PRUNE2: variants seen among roughly 807,000 people sequenced by gnomAD.
PRUNE2 encodes the protein protein prune homolog 2.
A neutral mutation model predicts 252.0 loss-of-function variants in PRUNE2; 164 were observed. The ratio of observed to expected loss-of-function variants is 0.65; its 90% CI spans 0.57 to 0.74. The LOEUF (loss-of-function observed/expected upper bound fraction) is 0.74. Ranked by LOEUF, PRUNE2 falls within the 30% of genes least tolerant of loss-of-function variation. PRUNE2 has a pLI of 0.00. For missense variants in PRUNE2, 3,495 were observed against 3,711.0 expected, an observed-to-expected ratio of 0.94 and a Z score of 1.51; for synonymous variants, 1,292 against 1,350.2, an observed-to-expected ratio of 0.96 and a Z score of 0.94.
At position 76,709,977 on chromosome 9, in the gene PRUNE2, G is replaced by T. The variant is rs1034086704; in HGVS notation, c.2297C>A (p.Ala766Asp). 36 of 1,613,576 alleles carry T rather than the reference G, an allele frequency of 2.2e-5. No individual in the cohort carries two copies. Among genetic ancestry groups the T allele is most frequent in the Non-Finnish European group, 2.9e-5 (34 of 1,179,780 alleles). Residue 766 changes from alanine to aspartate, a missense_variant, in exon 8 of 19, where the codon GCT becomes GAT. Coordinates refer to ENST00000376718, the MANE Select transcript of PRUNE2 (RefSeq NM_015225.3). ...AGAGCGACCAGAATGCCACAAAGAAGCAAAGTCTTCTATCAGGTGGTTTGT... is the reference window on the plus strand; with the variant it reads ...AGAGCGACCAGAATGCCACAAAGAATCAAAGTCTTCTATCAGGTGGTTTGT... The part of the protein sequence containing the change: ...QGTNHLIEDF[A>D]SLWHSGRSPT...
chr9:76,709,787 C>T lies in PRUNE2; in HGVS notation c.2487G>A (p.Arg829=). 1 of 1,613,950 alleles carries T rather than the reference C, an allele frequency of 6.2e-7. No homozygotes were observed. The highest frequency in any genetic ancestry group is 8.5e-7 in the Non-Finnish European group (1 of 1,179,882). ...TTGCCATGGCCCACTCATTCGGGTC[C>T]CTAACAGAAGGTGTCTTGCTGCTTG... The part of the protein sequence containing the change: ...HPTSSKTPSV[R]DPNEWAMAKS... Residue 829 remains arginine, a synonymous_variant, in exon 8 of 19, where the codon AGG becomes AGA. Transcript: ENST00000376718.
chr9:76,648,809 T>C (rs1846004099), intron 11 of PRUNE2, among the ~76,000 whole-genome samples: 1 of 152,264 alleles, frequency 6.6e-6, no homozygotes, highest in Admixed American at 6.5e-5. Flanking sequence ...CCAAGACTCC[T>C]ACTCTAAGAC....
intron 6 of PRUNE2, among the ~76,000 whole-genome samples, chr9:76,768,042 GT>G (rs1295326404): frequency 6.6e-6 from 1 of 152,164 alleles, no homozygotes; most frequent in African/African-American, 2.4e-5. Flanking sequence ...ACAGCGGCAG[GT>G]CAGAGGGAGT....
intron 14 of PRUNE2, among the ~76,000 whole-genome samples, chr9:76,637,193 C>G (rs1191675620): frequency 6.6e-6 from 1 of 152,046 alleles, no homozygotes; most frequent in Non-Finnish European, 1.5e-5. Flanking sequence ...GAATCTATAA[C>G]CAACATGGTG....
At chr9:76,750,233 C>G (rs879935206) in intron 6 of PRUNE2, among the ~76,000 whole-genome samples, 4 of 152,094 alleles carry the variant, frequency 2.6e-5, no homozygotes, top group Admixed American at 2.0e-4. Flanking sequence ...ATTATTGAAC[C>G]AGAAGAGAGG....
Position 76,737,218 on chromosome 9 carries a change from T to C in PRUNE2, c.757-23497A>G, listed in dbSNP as rs550984796. ...TTATTTACAGGTTAGAGTCTATTTA[T>C]TAGTAAGCTGCCAGGTTGATGAGTC... On this transcript the variant is annotated intron_variant, in intron 6 of 18. Coordinates refer to ENST00000376718, the MANE Select transcript of PRUNE2 (RefSeq NM_015225.3). 4 of 152,330 alleles carry C rather than the reference T, an allele frequency of 2.6e-5. No individual in the cohort carries two copies. The South Asian group carries it at 8.3e-4, about 32-fold the overall frequency. 9.4% of individuals were successfully genotyped at this position (152,330 alleles called of 1,614,324 possible). A position where few individuals can be genotyped will look rare whatever the true frequency, so the allele number is the denominator to read the frequency against.
chr9:76,879,307 T>C (rs1176113708), intron 1 of PRUNE2, among the ~76,000 whole-genome samples: 2 of 152,210 alleles, frequency 1.3e-5, no homozygotes, highest in Non-Finnish European at 1.5e-5. Context: ...ATGTAATACA[T>C]GTTGGGGCCA....
At chr9:76,765,287 G>C (rs908732417) in intron 6 of PRUNE2, among the ~76,000 whole-genome samples, 1 of 152,178 alleles carries the variant, frequency 6.6e-6, no homozygotes, top group Non-Finnish European at 1.5e-5. Context: ...AGAAAACGAT[G>C]CCATAGAAGC....
At chr9:76,874,398 A>G (rs2061376355) in intron 1 of PRUNE2, among the ~76,000 whole-genome samples, 2 of 152,294 alleles carry the variant, frequency 1.3e-5, no homozygotes, top group South Asian at 2.1e-4. Flanking sequence ...TGGTGTCAGT[A>G]TTGATTTTGT....
intron 6 of PRUNE2, chr9:76,782,953 T>A (rs1413784329): frequency 2.6e-5 from 4 of 152,246 alleles, no homozygotes; most frequent in Admixed American, 6.5e-5. Flanking sequence ...GATTGGTGTC[T>A]ATGAATTAGA....
intron 2 of PRUNE2, among the ~76,000 whole-genome samples, chr9:76,851,838 C>A (rs941336580): frequency 5.3e-5 from 8 of 151,258 alleles, no homozygotes. Flanking sequence ...GAATTGTAGT[C>A]ACAATAATAA....
At chr9:76,618,331 C>T (rs957446249) in intron 18 of PRUNE2, among the ~76,000 whole-genome samples, 18 of 152,258 alleles carry the variant, frequency 1.2e-4, no homozygotes, top group African/African-American at 3.6e-4. Context: ...TGGACCTCAA[C>T]GCAAAGGAGG....
chr9:76,742,638 A>C (rs1352468740), intron 6 of PRUNE2, among the ~76,000 whole-genome samples: 1 of 152,136 alleles, frequency 6.6e-6, no homozygotes, highest in African/African-American at 2.4e-5. Context: ...AAAGAAAGAA[A>C]AGAAAAAGAA....
At chr9:76,682,362 C>CCT (rs1554690780) in intron 9 of PRUNE2, among the ~76,000 whole-genome samples, 1 of 136,110 alleles carries the variant, frequency 7.3e-6, no homozygotes, top group East Asian at 2.1e-4. Flanking sequence ...TCACTATTAA[C>CCT]TTTTTTTTTT....
chr9:76,849,813 G>A (rs187412367), intron 3 of PRUNE2, among the ~76,000 whole-genome samples: 102 of 151,030 alleles, frequency 6.8e-4, no homozygotes, highest in African/African-American at 2.4e-3. Context: ...GCGAGAGATC[G>A]AGACTCTGTC....
At chr9:76,891,174 G>A (rs1473060106) in intron 1 of PRUNE2, among the ~76,000 whole-genome samples, 1 of 152,206 alleles carries the variant, frequency 6.6e-6, no homozygotes, top group Non-Finnish European at 1.5e-5. Flanking sequence ...GATGCATTTA[G>A]GCTTTTGGGC....
intron 12 of PRUNE2, chr9:76,644,504 T>C (rs1843949971): frequency 3.2e-6 from 2 of 621,018 alleles, no homozygotes; most frequent in East Asian, 3.2e-5. Context: ...CGCTATCAGA[T>C]ATGTAGCATG....
At chr9:76,872,503 T>A (rs989365299) in intron 1 of PRUNE2, among the ~76,000 whole-genome samples, 1 of 151,850 alleles carries the variant, frequency 6.6e-6, no homozygotes, top group African/African-American at 2.4e-5. Context: ...GGAAGAAAGA[T>A]AAGAGTTTCC....
In PRUNE2 at chr9:76,885,627, C is replaced by T. The variant is rs79838784; in HGVS notation, c.36+20301G>A. Among the ~76,000 whole-genome samples, 935 of 152,294 alleles carry T rather than the reference C, an allele frequency of 6.1e-3. 5 individuals are homozygous for T. The highest frequency in any genetic ancestry group is 0.011 in the Non-Finnish European group (743 of 68,022). On this transcript the variant is annotated intron_variant, in intron 1 of 18. Transcript: ENST00000376718. Reference sequence around the variant, plus strand: ...ACTTACTCTTCAGAGCGGCAACCCCCGGTGACAGGCTGACTGTGTCAAAGG... The same window carrying T: ...ACTTACTCTTCAGAGCGGCAACCCCTGGTGACAGGCTGACTGTGTCAAAGG...
Sources: allele counts gnomAD v4.1 joint callset (sites outside exome capture counted in the v4.1 genomes callset), GRCh38; gene constraint gnomAD v4.1.1; transcripts MANE v1.5; gene names NCBI Gene and HGNC (gene_info 2026-07-23, HGNC 2026-07-21).